IGSF9B: variants seen among roughly 807,000 people sequenced by gnomAD.
IGSF9B encodes immunoglobulin superfamily member 9B, also known as protein turtle homolog B.
In IGSF9B, 48 loss-of-function variants were observed where a neutral mutation model predicts 143.7. That is an observed-to-expected ratio of 0.33 (90% CI 0.26 to 0.42). The LOEUF (loss-of-function observed/expected upper bound fraction) is 0.42. Ranked by LOEUF, IGSF9B falls within the 20% of genes least tolerant of loss-of-function variation. The probability of loss-of-function intolerance (pLI) is 1.00; values close to 1 mark genes in which losing one functional copy is unlikely to be tolerated. For missense variants in IGSF9B, 1,706 were observed against 1,980.0 expected (o/e 0.86, Z 2.63); for synonymous variants, 903 against 833.1 (o/e 1.08, Z -1.44).
At chr11:133,934,117 C>G (rs1939780708) in intron 7 of IGSF9B, among the ~76,000 whole-genome samples, 1 of 152,020 alleles carries the variant, frequency 6.6e-6, no homozygotes, top group Admixed American at 6.6e-5. Context: ...TCTTTGAAGA[C>G]AGGAAGGAGG....
At position 133,908,279 on chromosome 11, in the gene IGSF9B, G is replaced by A. The variant is rs1023494016; in HGVS notation, c.*790C>T. ...GCCTGGCCACCCCTTCTTCACCCAG[G>A]AACCAAGAAACAAAGGCTTGAATTT... On this transcript the variant is annotated 3_prime_UTR_variant, in exon 20 of 20. Transcript: ENST00000533871. Among the ~76,000 whole-genome samples, 3 of 152,124 alleles carry A rather than the reference G, an allele frequency of 2.0e-5. No individual in the cohort carries two copies. The highest frequency in any genetic ancestry group is 2.0e-4 in the Admixed American group (3 of 15,284).
Position 133,932,030 on chromosome 11 carries a change from G to T in IGSF9B, c.1110+41C>A, listed in dbSNP as rs766903757. 3.2e-6 allele frequency: 5 copies of T among 1,586,942 alleles called. No individual in the cohort carries two copies. In the Admixed American group the frequency reaches 8.5e-5, roughly 27 times the overall value. On this transcript the variant is annotated intron_variant, in intron 8 of 19. Coordinates refer to ENST00000533871, the MANE Select transcript of IGSF9B (RefSeq NM_001277285.4). ...CAGAGGTGGCATCACAGTACTGGGGGGAGCCCTCACTCCAACCCTCAACAT... is the reference window on the plus strand; with the variant it reads ...CAGAGGTGGCATCACAGTACTGGGGTGAGCCCTCACTCCAACCCTCAACAT...
intron 12 of IGSF9B, among the ~76,000 whole-genome samples, chr11:133,929,312 C>T (rs1052996885): frequency 1.3e-5 from 2 of 152,222 alleles, no homozygotes; most frequent in Admixed American, 1.3e-4. Context: ...AGACTCTACA[C>T]TTAAGGCTGG....
chr11:133,929,592 C>T lies in IGSF9B; in HGVS notation c.1631+79G>A, dbSNP rs1195114225. ...GCAGCCTCCTCCTACCTCCCCCCAC[C>T]CGGGGTAGCCTGCAGGAAGACCGGG... On this transcript the variant is annotated intron_variant, in intron 12 of 19. Coordinates refer to ENST00000533871, the MANE Select transcript of IGSF9B (RefSeq NM_001277285.4). The T allele has an allele frequency of 4.7e-6, 5 of 1,070,694 alleles. No individual in the cohort carries two copies. The African/African-American group carries it at 6.2e-5, about 13-fold the overall frequency. The allele number at this position is 1,070,694 out of a possible 1,614,324, so 66.3% of individuals were successfully genotyped here.
At position 133,913,494 on chromosome 11, in the gene IGSF9B, G is replaced by A. The variant is rs1346043266; in HGVS notation, c.3984-1487C>T. On this transcript the variant is annotated intron_variant, in intron 18 of 19. Transcript: ENST00000533871. This position sits in a 1 kb window ranked among gnomAD's most constrained non-coding sequence, Gnocchi z 4.6. Reference sequence around the variant, plus strand: ...CAATGCAGTGACCTCCATCTTCCTGGGGGATGTCATCATTCTCTAGTCCTT... The same window carrying A: ...CAATGCAGTGACCTCCATCTTCCTGAGGGATGTCATCATTCTCTAGTCCTT... Among the ~76,000 whole-genome samples the A allele has an allele frequency of 6.6e-6, 1 of 152,144 alleles. No homozygotes were observed. Among genetic ancestry groups the A allele is most frequent in the Non-Finnish European group, 1.5e-5 (1 of 68,024 alleles).
chr11:133,920,856 C>T lies in IGSF9B; in HGVS notation c.2869G>A (p.Ala957Thr), dbSNP rs564750590. Residue 957 changes from alanine (A) to threonine (T), a missense_variant, in exon 18 of 20, where the codon GCC (alanine) becomes ACC (threonine). Ala to Thr is a moderately conservative substitution (Grantham distance 58). Transcript: ENST00000533871. ...TGGCCATGGTGGAAGGGCCGGGGGG[C>T]AGGGGGCCGGGCCTGGCCTGTGGCC... Reference protein sequence around the residue: ...LQATGQARPPAPRPFHHGQYY... With the variant: ...LQATGQARPPTPRPFHHGQYY... 1 of 1,600,940 alleles carries T rather than the reference C, an allele frequency of 6.2e-7. No individual in the cohort carries two copies. The highest frequency in any genetic ancestry group is 2.2e-5 in the East Asian group (1 of 44,644).
At position 133,920,406 on chromosome 11, in the gene IGSF9B, A is replaced by C; in HGVS notation, c.3319T>G (p.Ser1107Ala). Reference sequence around the variant, plus strand: ...GCTGGGACAGGGCCCCTGCCGGGCGACTTGCCTGCCCAACCCTTCGGTGCC... The same window carrying C: ...GCTGGGACAGGGCCCCTGCCGGGCGCCTTGCCTGCCCAACCCTTCGGTGCC... ...LEAPKGWAGK[S>A]PGRGPVPAPP... Residue 1107 changes from serine to alanine, a missense_variant, in exon 18 of 20, where the codon TCG (serine) becomes GCG (alanine). This residue lies in a region of IGSF9B where 880 missense variants were observed against 762.9 expected (regional missense o/e 1.15). Transcript: ENST00000533871. 6.3e-7 allele frequency: 1 copy of C among 1,593,564 alleles called. No individual in the cohort carries two copies.
chr11:133,912,377 C>T (rs958828556), intron 18 of IGSF9B: 2 of 470,676 alleles, frequency 4.2e-6, no homozygotes, highest in African/African-American at 3.9e-5. Flanking sequence ...GAAATCACCA[C>T]AATCAAGACC....
Position 133,920,167 on chromosome 11 carries a change from GCGCCTGGCCTGC to G in IGSF9B, c.3546_3557del (p.Gln1183_Arg1186del). On this transcript the variant is annotated inframe_deletion, in exon 18 of 20. Transcript: ENST00000533871. ...CCACTTGATGTAAACTGGGCTCGGC[GCGCCTGGCCTGC>G]CGAGGGCTAGGCCGGGGCCGGGGCT... 3.3e-6 allele frequency: 5 copies of G among 1,508,538 alleles called. No individual in the cohort carries two copies. Among genetic ancestry groups the G allele is most frequent in the Non-Finnish European group, 4.4e-6 (5 of 1,128,456 alleles). 93.4% of individuals were successfully genotyped at this position (1,508,538 alleles called of 1,614,324 possible).
chr11:133,901,055 C>A lies in IGSF9B; in HGVS notation c.*8014G>T, dbSNP rs1032320719. 6.6e-6 allele frequency: 1 copy of A among 152,270 alleles called. No individual in the cohort carries two copies. The highest frequency in any genetic ancestry group is 1.5e-5 in the Non-Finnish European group (1 of 68,048). 9.4% of individuals were successfully genotyped at this position (152,270 alleles called of 1,614,324 possible). ...ATCTCCTCAGCCTTGCCCTGTTAAG[C>A]CCCTCTGCAAAGAAGTTCAAGTCAA... is the stretch of plus-strand genomic sequence containing the variant. On this transcript the variant is annotated 3_prime_UTR_variant, in exon 20 of 20. Coordinates refer to ENST00000533871, the MANE Select transcript of IGSF9B (RefSeq NM_001277285.4).
At chr11:133,947,830 TTGTC>T (rs1179446068) in intron 1 of IGSF9B, among the ~76,000 whole-genome samples, 4 of 151,908 alleles carry the variant, frequency 2.6e-5, no homozygotes, top group African/African-American at 9.7e-5. Context: ...GGATCTCTGT[TTGTC>T]TGTCTGCCTT....
intron 1 of IGSF9B, among the ~76,000 whole-genome samples, chr11:133,947,349 C>A (rs1940072344): frequency 6.6e-6 from 1 of 152,246 alleles, no homozygotes; most frequent in South Asian, 2.1e-4. Flanking sequence ...GGAAGCCTCA[C>A]CCCCTTCATT....
intron 1 of IGSF9B, among the ~76,000 whole-genome samples, chr11:133,949,357 TCTCA>T (rs1343615379): frequency 1.3e-4 from 20 of 152,124 alleles, no homozygotes; most frequent in African/African-American, 4.1e-4. Context: ...CGGCATATTC[TCTCA>T]CTCCATCACC....
intron 19 of IGSF9B, among the ~76,000 whole-genome samples, chr11:133,910,757 A>T (rs1682860): frequency 6.6e-6 from 1 of 152,206 alleles, no homozygotes; most frequent in Non-Finnish European, 1.5e-5. Flanking sequence ...CCATCAGAAC[A>T]AGAGACAATG....
intron 18 of IGSF9B, chr11:133,912,477 C>A: frequency 2.5e-6 from 1 of 407,304 alleles, no homozygotes; most frequent in Non-Finnish European, 4.9e-6. Flanking sequence ...AAAGGGGGTG[C>A]TAAGTGAGAA....
intron 7 of IGSF9B, 53 bp from the exon 8 acceptor site, chr11:133,932,266 C>T: frequency 1.3e-6 from 2 of 1,508,674 alleles, no homozygotes; most frequent in South Asian, 1.3e-5. Context: ...CAGGGACAGA[C>T]AGACAGACAC....
chr11:133,919,092 CT>C (rs1939454461), intron 18 of IGSF9B: 1 of 402,454 alleles, frequency 2.5e-6, no homozygotes, highest in Non-Finnish European at 5.0e-6. Flanking sequence ...GCTGGTCTGT[CT>C]CTCTGCAGCT....
At chr11:133,943,962 C>A (rs138334632) in intron 3 of IGSF9B, among the ~76,000 whole-genome samples, 225 of 152,352 alleles carry the variant, frequency 1.5e-3, no homozygotes, top group African/African-American at 5.2e-3. Context: ...CCATGTCCCT[C>A]TAAGGACTCT....
chr11:133,919,753 T>C lies in IGSF9B; in HGVS notation c.3972A>G (p.Leu1324=), dbSNP rs755506762. 24 of 1,458,338 alleles carry C rather than the reference T, an allele frequency of 1.6e-5. No homozygotes were observed. The South Asian group carries it at 3.5e-4, about 21-fold the overall frequency. 90.3% of individuals were successfully genotyped at this position (1,458,338 alleles called of 1,614,324 possible). The change falls in exon 18 of 20, where the codon TTA becomes TTG. Residue 1324 remains leucine (L), a synonymous_variant. Transcript: ENST00000533871. ...LLRPETPPPT[L]PTSGTLPPAP... is the part of the protein sequence containing the mutation. ...GGCGGCGCACTCACCCTGAAGTAGG[T>C]AACGTGGGTGGTGGGGTCTCCGGTC...
Sources: allele counts gnomAD v4.1 joint callset (sites outside exome capture counted in the v4.1 genomes callset), GRCh38; gene constraint gnomAD v4.1.1; regional missense constraint gnomAD v4.1.1; non-coding constraint Gnocchi (gnomAD v3.1); transcripts MANE v1.5; gene names NCBI Gene and HGNC (gene_info 2026-07-23, HGNC 2026-07-21).